Variants in CYP4Z1 observed in about 807,000 individuals in gnomAD.
CYP4Z1 encodes cytochrome P450 4Z1.
CYP4Z1 carries 41 observed loss-of-function variants against 54.2 expected under a neutral mutation model. That is an observed-to-expected ratio of 0.76 (90% CI 0.59 to 0.98). The LOEUF (loss-of-function observed/expected upper bound fraction) is 0.98. Among genes scored for constraint, CYP4Z1 ranks in the 50% least tolerant of loss-of-function variants. The pLI, the probability that CYP4Z1 is intolerant of heterozygous loss-of-function variation, is 0.00. For missense variants in CYP4Z1, 513 were observed against 599.0 expected, an observed-to-expected ratio of 0.86 and a Z score of 1.50; for synonymous variants, 163 against 206.2, an observed-to-expected ratio of 0.79 and a Z score of 1.79.
chr1:47,082,085 G>A (rs929539467), intron 3 of CYP4Z1, among the ~76,000 whole-genome samples: 1 of 151,188 alleles, frequency 6.6e-6, no homozygotes, highest in Non-Finnish European at 1.5e-5. Flanking sequence ...CTCTTATCAA[G>A]AGGCTGATGA....
intron 2 of CYP4Z1, 53 bp downstream of exon 2, chr1:47,068,816 G>A (rs1337243658): frequency 3.2e-6 from 5 of 1,587,226 alleles, no homozygotes; most frequent in East Asian, 2.2e-5. Flanking sequence ...AGGGTCTCAG[G>A]GTGTCTGTGG....
chr1:47,110,787 C>T (rs1008059513), intron 9 of CYP4Z1, among the ~76,000 whole-genome samples: 4 of 150,670 alleles, frequency 2.7e-5, no homozygotes, highest in African/African-American at 9.8e-5. Flanking sequence ...CCTAATCCAA[C>T]CATAGAGGTT....
chr1:47,091,097 G>A (rs1276445318), intron 6 of CYP4Z1, among the ~76,000 whole-genome samples: 1 of 130,652 alleles, frequency 7.7e-6, no homozygotes, highest in Non-Finnish European at 1.6e-5. Flanking sequence ...GGATTTTAAG[G>A]ACTTTCCATT....
the CYP4Z1 span, among the ~76,000 whole-genome samples, chr1:47,058,162 A>G: frequency 4.6e-5 from 7 of 152,244 alleles, no homozygotes; most frequent in African/African-American, 1.7e-4. Context: ...TTTTCTCTCT[A>G]TGAAATAAAT....
chr1:47,111,297 C>T (rs1211569139), intron 9 of CYP4Z1, among the ~76,000 whole-genome samples: 1 of 152,108 alleles, frequency 6.6e-6, no homozygotes, highest in African/African-American at 2.4e-5. Flanking sequence ...AATTCTCCTG[C>T]CTCCACCTCC....
At chr1:47,066,221 CAT>C (rs1178187189), upstream of CYP4Z1, among the ~76,000 whole-genome samples, 1 of 151,968 alleles carries the variant, frequency 6.6e-6, no homozygotes, top group African/African-American at 2.4e-5. Context: ...CAGGGAATGA[CAT>C]AACAAAAAAA....
At chr1:47,057,917 T>C in the CYP4Z1 span, among the ~76,000 whole-genome samples, 1 of 152,060 alleles carries the variant, frequency 6.6e-6, no homozygotes, top group African/African-American at 2.4e-5. Context: ...ATAAAGACTT[T>C]GGATTCTAGT....
At chr1:47,105,011 T>C (rs1644747135) in intron 8 of CYP4Z1, among the ~76,000 whole-genome samples, 1 of 152,150 alleles carries the variant, frequency 6.6e-6, no homozygotes, top group Admixed American at 6.5e-5. Context: ...TGCTTTCATT[T>C]GGAGCAGCCA....
intron 6 of CYP4Z1, among the ~76,000 whole-genome samples, chr1:47,090,704 T>C (rs1344570628): frequency 1.3e-5 from 2 of 151,954 alleles, no homozygotes; most frequent in Non-Finnish European, 2.9e-5. Context: ...CTCTGTTTCT[T>C]CACATTGATA....
intron 8 of CYP4Z1, among the ~76,000 whole-genome samples, chr1:47,103,078 G>A (rs1278889590): frequency 6.6e-6 from 1 of 151,744 alleles, no homozygotes; most frequent in Non-Finnish European, 1.5e-5. Context: ...TGTCATCAAG[G>A]TCTGAGATTC....
intron 10 of CYP4Z1, among the ~76,000 whole-genome samples, chr1:47,116,328 C>T (rs189755205): frequency 2.6e-5 from 4 of 152,128 alleles, no homozygotes; most frequent in African/African-American, 7.2e-5. Flanking sequence ...GACAGAGGCA[C>T]GGGTTTACTG....
chr1:47,059,708 C>A, the CYP4Z1 span, among the ~76,000 whole-genome samples: 1 of 152,072 alleles, frequency 6.6e-6, no homozygotes, highest in Admixed American at 6.6e-5. Context: ...ATGAGAAGAA[C>A]CTGATGAAAG....
intron 3 of CYP4Z1, among the ~76,000 whole-genome samples, chr1:47,082,045 C>T (rs1428569476): frequency 2.0e-5 from 3 of 150,574 alleles, no homozygotes; most frequent in Non-Finnish European, 2.9e-5. Flanking sequence ...GCAAGCACCT[C>T]GGGCAATTCT....
chr1:47,094,735 A>C (rs1363260774), intron 7 of CYP4Z1, 66 bp downstream of exon 7: 1 of 1,197,980 alleles, frequency 8.3e-7, no homozygotes, highest in Non-Finnish European at 1.2e-6. Flanking sequence ...TAGGCCGGGC[A>C]CAGTGACTAG....
At chr1:47,066,342 G>A (rs1013298303), upstream of CYP4Z1, among the ~76,000 whole-genome samples, 2 of 151,992 alleles carry the variant, frequency 1.3e-5, no homozygotes, top group African/African-American at 2.4e-5. Context: ...CCATAATCAA[G>A]TGGGATGCAG....
chr1:47,070,231 CATTA>C lies in CYP4Z1; in HGVS notation c.319+1472_319+1475del, dbSNP rs1232123097. Among the ~76,000 whole-genome samples the C allele has an allele frequency of 1.9e-5, 2 of 105,978 alleles. 1 individual carries two copies. The highest frequency in any genetic ancestry group is 2.0e-4 in the Admixed American group (2 of 10,116). 69.5% of individuals were successfully genotyped at this position (105,978 alleles called of 152,430 possible). A position where few individuals can be genotyped will look rare whatever the true frequency, so the allele number is the denominator to read the frequency against. ...CACCCATTGTACCCTTCTCTAGTGTCATTAATTGATATCATATTCCCATATGTGC... is the reference window on the plus strand; with the variant it reads ...CACCCATTGTACCCTTCTCTAGTGTCATTGATATCATATTCCCATATGTGC... On this transcript the variant is annotated intron_variant, in intron 2 of 11. Coordinates refer to ENST00000334194, the MANE Select transcript of CYP4Z1 (RefSeq NM_178134.3).
intron 9 of CYP4Z1, among the ~76,000 whole-genome samples, chr1:47,109,141 A>T (rs1158206056): frequency 6.6e-6 from 1 of 152,176 alleles, no homozygotes; most frequent in Non-Finnish European, 1.5e-5. Context: ...CTACTTATAC[A>T]CATACACTGA....
chr1:47,106,404 G>A, intron 9 of CYP4Z1, 143 bp downstream of exon 9: 1 of 1,124,704 alleles, frequency 8.9e-7, no homozygotes, highest in Non-Finnish European at 1.2e-6. Context: ...GGGAGAAAGA[G>A]GATAGAGCTC....
the CYP4Z1 span, among the ~76,000 whole-genome samples, chr1:47,061,062 A>C: frequency 6.6e-6 from 1 of 152,204 alleles, no homozygotes; most frequent in Non-Finnish European, 1.5e-5. Flanking sequence ...GTTAAGAGGG[A>C]AGTTCATAGC....
Sources: gnomAD v4.1 joint callset for allele counts (sites outside exome capture counted in the v4.1 genomes callset) on GRCh38, gnomAD v4.1.1 for gene constraint, MANE v1.5 for transcripts, NCBI Gene and HGNC (gene_info 2026-07-23, HGNC 2026-07-21) for gene names.